CDK8: variants seen among roughly 807,000 people sequenced by gnomAD.
CDK8 encodes the protein cyclin dependent kinase 8.
A neutral mutation model predicts 71.5 loss-of-function variants in CDK8; 29 were observed. The observed-to-expected ratio is 0.41, with a 90% CI of 0.30 to 0.55. CDK8 has a LOEUF of 0.55. Among genes scored for constraint, CDK8 ranks in the 20% least tolerant of loss-of-function variants. CDK8 has a pLI of 0.37. For missense variants in CDK8, 288 were observed against 572.6 expected (o/e 0.50, Z 5.07); for synonymous variants, 161 against 192.1 (o/e 0.84, Z 1.34).
chr13:26,261,381 C>T lies in CDK8; in HGVS notation c.128+6612C>T, dbSNP rs371435678. 1.4e-4 allele frequency among the ~76,000 whole-genome samples: 22 copies of T among 152,124 alleles called. 1 individual carries two copies. The South Asian group carries it at 2.7e-3, about 19-fold the overall frequency. ...AGTATAGTGTTTTTTAGTAGATCGACGAGGCTGTGCAACCACCATCACTGT... is the reference window on the plus strand; with the variant it reads ...AGTATAGTGTTTTTTAGTAGATCGATGAGGCTGTGCAACCACCATCACTGT... On this transcript the variant is annotated intron_variant, in intron 1 of 12. Transcript: ENST00000381527.
chr13:26,332,864 G>A (rs1250956004), intron 1 of CDK8, among the ~76,000 whole-genome samples: 2 of 152,068 alleles, frequency 1.3e-5, no homozygotes. Flanking sequence ...AACATACATT[G>A]CGTTGTCTCC....
At chr13:26,337,762 A>G (rs555628253) in intron 2 of CDK8, 120 bp downstream of exon 2, 3 of 378,680 alleles carry the variant, frequency 7.9e-6, no homozygotes, top group Middle Eastern at 4.8e-4. Context: ...TATATCAACT[A>G]TATGTAGAAA....
chr13:26,311,033 C>T (rs573375390), intron 1 of CDK8, among the ~76,000 whole-genome samples: 2 of 103,624 alleles, frequency 1.9e-5, no homozygotes, highest in South Asian at 7.2e-4. Flanking sequence ...CTTAAGCAAG[C>T]ACCAATCTCT....
intron 2 of CDK8, among the ~76,000 whole-genome samples, chr13:26,340,799 G>A (rs557153088): frequency 2.0e-5 from 3 of 152,256 alleles, no homozygotes; most frequent in South Asian, 2.1e-4. Context: ...ACTGTAATGC[G>A]TTTCTTCCCC....
At chr13:26,330,704 G>T (rs1309470698) in intron 1 of CDK8, among the ~76,000 whole-genome samples, 1 of 151,746 alleles carries the variant, frequency 6.6e-6, no homozygotes, top group African/African-American at 2.4e-5. Flanking sequence ...GGCTTATTTT[G>T]CTTAAGCTAT....
At chr13:26,329,448 C>T (rs1251747492) in intron 1 of CDK8, among the ~76,000 whole-genome samples, 3 of 150,820 alleles carry the variant, frequency 2.0e-5, no homozygotes, top group Admixed American at 2.0e-4. Flanking sequence ...AAAATACCCC[C>T]ATCTTACCTT....
Position 26,403,965 on chromosome 13 carries a change from C to A in CDK8, c.1279C>A (p.Pro427Thr), listed in dbSNP as rs1876386944. The change falls in exon 13 of 13, where the codon CCA (proline) becomes ACA (threonine). Residue 427 changes from proline (P) to threonine (T), a missense_variant. By Grantham distance (38) the Pro-to-Thr change is conservative (BLOSUM62 -1). Transcript: ENST00000381527. Reference sequence around the variant, plus strand: ...CTCATCTCCTTTCCAGCGTTCCAATCCACATGCTGCCTATCCCAACCCTGG... The same window carrying A: ...CTCATCTCCTTTCCAGCGTTCCAATACACATGCTGCCTATCCCAACCCTGG... ...IMTSDYQRSN[P>T]HAAYPNPGPS... The A allele has an allele frequency of 1.2e-6, 2 of 1,612,550 alleles. No homozygotes were observed. The highest frequency in any genetic ancestry group is 1.7e-6 in the Non-Finnish European group (2 of 1,179,982).
At chr13:26,368,347 A>G (rs1874489463) in intron 4 of CDK8, among the ~76,000 whole-genome samples, 2 of 152,208 alleles carry the variant, frequency 1.3e-5, no homozygotes. Context: ...ACCAAATCAC[A>G]TCGTGTCATT....
At chr13:26,258,579 C>T (rs753591957) in intron 1 of CDK8, among the ~76,000 whole-genome samples, 1 of 151,450 alleles carries the variant, frequency 6.6e-6, no homozygotes, top group Non-Finnish European at 1.5e-5. Flanking sequence ...TCTAGATGAG[C>T]GATCCTGGAA....
At chr13:26,328,214 C>T (rs1344457753) in intron 1 of CDK8, among the ~76,000 whole-genome samples, 1 of 152,194 alleles carries the variant, frequency 6.6e-6, no homozygotes, top group African/African-American at 2.4e-5. Flanking sequence ...TGATCTTACA[C>T]ATTATCACAT....
chr13:26,343,022 T>A (rs1273773867), intron 2 of CDK8, among the ~76,000 whole-genome samples: 1 of 152,162 alleles, frequency 6.6e-6, no homozygotes, highest in Non-Finnish European at 1.5e-5. Flanking sequence ...CCTCATCATC[T>A]CTTCTTGGGA....
chr13:26,370,792 T>C (rs1874628771), intron 4 of CDK8, among the ~76,000 whole-genome samples: 1 of 152,154 alleles, frequency 6.6e-6, no homozygotes, highest in South Asian at 2.1e-4. Context: ...TTATATTACA[T>C]GTAAAAAATA....
intron 4 of CDK8, among the ~76,000 whole-genome samples, chr13:26,382,479 C>T (rs1393154900): frequency 2.6e-5 from 4 of 152,062 alleles, no homozygotes; most frequent in African/African-American, 9.7e-5. Flanking sequence ...CCTTTAAAGT[C>T]AGAGCAAGAC....
intron 1 of CDK8, among the ~76,000 whole-genome samples, chr13:26,279,901 G>A (rs1872677501): frequency 6.6e-6 from 1 of 151,948 alleles, no homozygotes; most frequent in African/African-American, 2.4e-5. Flanking sequence ...AATTACTTTT[G>A]TTTTCTTCTG....
chr13:26,291,353 G>A (rs1565959838), intron 1 of CDK8, among the ~76,000 whole-genome samples: 1 of 152,094 alleles, frequency 6.6e-6, no homozygotes. Context: ...CCATTGCTAA[G>A]CAATGCATGA....
chr13:26,353,984 A>G, intron 4 of CDK8, 104 bp downstream of exon 4: 1 of 960,956 alleles, frequency 1.0e-6, no homozygotes, highest in East Asian at 2.5e-5. Context: ...TGCAAACCTT[A>G]TAGAAGTAGT....
chr13:26,314,313 T>TA (rs1213336505), intron 1 of CDK8, among the ~76,000 whole-genome samples: 2 of 152,240 alleles, frequency 1.3e-5, no homozygotes, highest in Non-Finnish European at 2.9e-5. Flanking sequence ...AAATAACAGT[T>TA]ACTAAGAACA....
intron 3 of CDK8, among the ~76,000 whole-genome samples, chr13:26,351,859 G>T (rs1004480473): frequency 6.6e-6 from 1 of 152,068 alleles, no homozygotes; most frequent in Non-Finnish European, 1.5e-5. Context: ...CAAGGCAGTC[G>T]CAATAAAAAT....
chr13:26,368,130 C>A (rs188321359), intron 4 of CDK8, among the ~76,000 whole-genome samples: 1 of 152,176 alleles, frequency 6.6e-6, no homozygotes, highest in East Asian at 1.9e-4. Context: ...ATCTGTTTAC[C>A]CTACCCCTAG....
Sources: allele counts gnomAD v4.1 joint callset (sites outside exome capture counted in the v4.1 genomes callset), GRCh38; gene constraint gnomAD v4.1.1; transcripts MANE v1.5; gene names NCBI Gene and HGNC (gene_info 2026-07-23, HGNC 2026-07-21).